DENND4C: variants seen among roughly 807,000 people sequenced by gnomAD.
The protein encoded by DENND4C is DENN domain-containing protein 4C.
DENND4C carries 108 observed loss-of-function variants against 203.0 expected under a neutral mutation model. The ratio of observed to expected loss-of-function variants is 0.53; its 90% CI spans 0.46 to 0.62. DENND4C has a LOEUF of 0.62. Ranked by LOEUF, DENND4C falls within the 20% of genes least tolerant of loss-of-function variation. The pLI is 0.00. For missense variants in DENND4C, 2,481 were observed against 2,301.2 expected (o/e 1.08, Z -1.60); for synonymous variants, 871 against 792.4 (o/e 1.10, Z -1.67).
At chr9:19,297,945 A>C in intron 6 of DENND4C, 111 bp from the exon 7 acceptor site, 1 of 783,408 alleles carries the variant, frequency 1.3e-6, no homozygotes, top group Non-Finnish European at 1.9e-6. Context: ...CATTTTAGAT[A>C]AATGGCCATG....
intron 1 of DENND4C, among the ~76,000 whole-genome samples, chr9:19,258,591 A>G (rs1828563413): frequency 6.6e-6 from 1 of 152,224 alleles, no homozygotes; most frequent in Non-Finnish European, 1.5e-5. Flanking sequence ...AAAAGCCATA[A>G]TGATCTCAGT....
rs372328877 is a variant in DENND4C at position 19,296,012 on chromosome 9, A to G, written c.806A>G (p.Tyr269Cys). ...VLTGSSAKKV[Y>C]GAAIQFYEPY... is the part of the protein sequence containing the mutation. ...CAGAATTCTGTTACTCTTTAGGTAT[A>G]TGGAGCTGCCATTCAGTTTTATGAA... Residue 269 changes from tyrosine (Y) to cysteine (C), a missense_variant, in exon 6 of 33, where the codon TAT becomes TGT. This residue lies in a region of DENND4C where 2,289 missense variants were observed against 2,113.3 expected (regional missense o/e 1.08). Transcript: ENST00000434457. 2 of 1,610,242 alleles carry G rather than the reference A, an allele frequency of 1.2e-6. No individual in the cohort carries two copies. Among genetic ancestry groups the G allele is most frequent in the Non-Finnish European group, 1.7e-6 (2 of 1,176,786 alleles).
intron 5 of DENND4C, 103 bp from the exon 6 acceptor site, chr9:19,295,905 T>C: frequency 1.2e-6 from 1 of 866,980 alleles, no homozygotes; most frequent in Non-Finnish European, 1.8e-6. Context: ...TTTATCTGTA[T>C]AAGTGTACTC....
At chr9:19,246,767 A>G (rs559253784) in intron 1 of DENND4C, among the ~76,000 whole-genome samples, 9 of 152,028 alleles carry the variant, frequency 5.9e-5, no homozygotes, top group African/African-American at 2.2e-4. Context: ...AGACCTGCAC[A>G]TCCCCTGTAT....
rs1318409660 is a variant in DENND4C, at chr9:19,290,881, G to T, written c.801+5G>T. 2 of 1,609,332 alleles carry T rather than the reference G, an allele frequency of 1.2e-6. No individual in the cohort carries two copies. The highest frequency in any genetic ancestry group is 1.7e-6 in the Non-Finnish European group (2 of 1,177,898). ...ACAGGTTCTTCAGCCAAAAAGGTAT[G>T]TTTTTGTCTCATTGATTAAACACAT... On this transcript the variant is annotated splice_donor_5th_base_variant and intron_variant, in intron 5 of 32. Coordinates refer to ENST00000434457, the MANE Select transcript of DENND4C (RefSeq NM_001330640.2).
At chr9:19,251,225 G>T (rs962678261) in intron 1 of DENND4C, among the ~76,000 whole-genome samples, 1 of 152,240 alleles carries the variant, frequency 6.6e-6, no homozygotes, top group African/African-American at 2.4e-5. Flanking sequence ...TTAACATCAT[G>T]TGGAAGCTTC....
At chr9:19,278,918 C>G (rs1231163930) in intron 2 of DENND4C, among the ~76,000 whole-genome samples, 1 of 152,054 alleles carries the variant, frequency 6.6e-6, no homozygotes, top group Non-Finnish European at 1.5e-5. Flanking sequence ...AGTTAAGGGC[C>G]TAACTATTCA....
At chr9:19,234,953 T>C (rs1304258386) in intron 1 of DENND4C, among the ~76,000 whole-genome samples, 1 of 151,806 alleles carries the variant, frequency 6.6e-6, no homozygotes, top group Non-Finnish European at 1.5e-5. Flanking sequence ...CAACTTTCTT[T>C]TTTTTTTTTT....
At chr9:19,333,046 A>T (rs1467487052) in intron 17 of DENND4C, among the ~76,000 whole-genome samples, 1 of 151,258 alleles carries the variant, frequency 6.6e-6, no homozygotes, top group African/African-American at 2.4e-5. Context: ...ATATATATAT[A>T]TACTCGTGCC....
At chr9:19,344,917 A>G (rs1186616261) in intron 22 of DENND4C, among the ~76,000 whole-genome samples, 1 of 152,176 alleles carries the variant, frequency 6.6e-6, no homozygotes, top group African/African-American at 2.4e-5. Context: ...GCCCTCTTCC[A>G]GGTTGCAGAG....
chr9:19,243,237 G>A (rs1189761941), intron 1 of DENND4C, among the ~76,000 whole-genome samples: 2 of 152,116 alleles, frequency 1.3e-5, no homozygotes, highest in Non-Finnish European at 2.9e-5. Context: ...TAGAAATGAA[G>A]TCATACAATA....
At chr9:19,357,239 A>C in intron 27 of DENND4C, 85 bp downstream of exon 27, 4 of 1,324,646 alleles carry the variant, frequency 3.0e-6, no homozygotes, top group Non-Finnish European at 4.3e-6. Context: ...AACCTGACTC[A>C]TATAGGCATA....
chr9:19,367,873 A>G (rs1828014499), intron 30 of DENND4C, among the ~76,000 whole-genome samples: 1 of 152,248 alleles, frequency 6.6e-6, no homozygotes, highest in South Asian at 2.1e-4. Context: ...ACCACTCTAG[A>G]AGAGAAACCA....
Position 19,300,191 on chromosome 9 carries a change from G to T in DENND4C, c.1171G>T (p.Ala391Ser). The T allele has an allele frequency of 6.3e-7, 1 of 1,591,096 alleles. No individual in the cohort carries two copies. The highest frequency in any genetic ancestry group is 8.6e-7 in the Non-Finnish European group (1 of 1,164,330). ...PVSTPLPLSG[A>S]NFSTLLMNLG... ...TTTTCTCTTTTTTTTCCCTAGTGGA[G>T]CCAACTTTAGCACCTTGCTAATGAA... is the stretch of plus-strand genomic sequence containing the variant. The change falls in exon 9 of 33, where the codon GCC (alanine) becomes TCC (serine). Residue 391 changes from alanine (A) to serine (S), a missense_variant. By Grantham distance (99) the Ala-to-Ser change is moderately conservative. Around this residue, in one of 3 missense-constraint regions of DENND4C, gnomAD observed 2,289 missense variants for 2,113.3 expected, o/e 1.08. Transcript: ENST00000434457.
intron 2 of DENND4C, among the ~76,000 whole-genome samples, chr9:19,284,669 T>C (rs962250963): frequency 1.3e-5 from 2 of 152,110 alleles, no homozygotes; most frequent in African/African-American, 4.8e-5. Flanking sequence ...ATCAGAGTAA[T>C]TTCATTGAGG....
chr9:19,307,494 G>A (rs1420493070), intron 10 of DENND4C, among the ~76,000 whole-genome samples: 1 of 151,688 alleles, frequency 6.6e-6, no homozygotes, highest in East Asian at 1.9e-4. Flanking sequence ...AATAGGCCGG[G>A]CACAGTGGCT....
intron 23 of DENND4C, 23 bp from the exon 24 acceptor site, chr9:19,350,679 G>GA (rs1048195415): frequency 1.3e-6 from 2 of 1,588,832 alleles, no homozygotes; most frequent in Non-Finnish European, 1.7e-6. Context: ...TATGTATGTG[G>GA]AATTTTTTTT....
intron 12 of DENND4C, among the ~76,000 whole-genome samples, chr9:19,319,347 TA>T (rs1842421610): frequency 9.2e-5 from 4 of 43,586 alleles, no homozygotes; most frequent in African/African-American, 2.4e-4. Flanking sequence ...CACATATATA[TA>T]TACTTATATA....
rs769415128 is a variant in DENND4C, at chr9:19,326,044, G to C, written c.1990-20G>C. 2 of 1,605,692 alleles carry C rather than the reference G, an allele frequency of 1.2e-6. No homozygotes were observed. Among genetic ancestry groups the C allele is most frequent in the Non-Finnish European group, 1.7e-6 (2 of 1,177,306 alleles). On this transcript the variant is annotated intron_variant, in intron 14 of 32. Transcript: ENST00000434457. Reference sequence around the variant, plus strand: ...TCTTGTTTGTATGCAAATTAATTGGGGAAAAATAATGATTTTCAGGTTGAT... The same window carrying C: ...TCTTGTTTGTATGCAAATTAATTGGCGAAAAATAATGATTTTCAGGTTGAT...
Sources: allele counts gnomAD v4.1 joint callset (sites outside exome capture counted in the v4.1 genomes callset), GRCh38; gene constraint gnomAD v4.1.1; regional missense constraint gnomAD v4.1.1; transcripts MANE v1.5; gene names NCBI Gene and HGNC (gene_info 2026-07-23, HGNC 2026-07-21).